ST6GALNAC5: variants seen among roughly 807,000 people sequenced by gnomAD.
The protein encoded by ST6GALNAC5 is alpha-N-acetylgalactosaminide alpha-2,6-sialyltransferase 5.
In ST6GALNAC5, 27 loss-of-function variants were observed where a neutral mutation model predicts 33.6. The ratio of observed to expected loss-of-function variants is 0.80; its 90% CI spans 0.59 to 1.11. The LOEUF (loss-of-function observed/expected upper bound fraction) is 1.11, where lower values mean the gene tolerates loss of function less well. Among genes scored for constraint, ST6GALNAC5 ranks in the 50% least tolerant of loss-of-function variants. The pLI, the probability that ST6GALNAC5 is intolerant of heterozygous loss-of-function variation, is 0.00. For missense variants in ST6GALNAC5, 428 were observed against 454.0 expected (o/e 0.94, Z 0.52); for synonymous variants, 194 against 171.2 (o/e 1.13, Z -1.04).
In ST6GALNAC5 at chr1:76,868,323, G is replaced by C. The variant is rs1351625422; in HGVS notation, c.16-174G>C. On this transcript the variant is annotated intron_variant, in intron 1 of 4. Coordinates refer to ENST00000477717, the MANE Select transcript of ST6GALNAC5 (RefSeq NM_030965.3). This position sits in a 1 kb window ranked among gnomAD's most constrained non-coding sequence, Gnocchi z 4.3. ...GCGACGCGCCCGGAGCATCCCTTGC[G>C]ATACGCTAGGGGACGGTGCTTTCTC... Among the ~76,000 whole-genome samples the C allele has an allele frequency of 6.6e-6, 1 of 152,024 alleles. No individual in the cohort carries two copies. The highest frequency in any genetic ancestry group is 2.0e-4 in the East Asian group (1 of 5,122).
intron 2 of ST6GALNAC5, among the ~76,000 whole-genome samples, chr1:76,897,511 G>A (rs1052606611): frequency 4.6e-5 from 7 of 152,128 alleles, no homozygotes; most frequent in African/African-American, 1.7e-4. Context: ...TGTGGGATGG[G>A]ATATTGGCAT....
chr1:76,867,987 G>C (rs1653383424), intron 1 of ST6GALNAC5, among the ~76,000 whole-genome samples: 1 of 152,160 alleles, frequency 6.6e-6, no homozygotes, highest in African/African-American at 2.4e-5. Context: ...GATTGCTCAA[G>C]GGATGGGGGT....
chr1:76,989,001 G>A (rs1220153041), intron 2 of ST6GALNAC5, among the ~76,000 whole-genome samples: 1 of 152,162 alleles, frequency 6.6e-6, no homozygotes, highest in African/African-American at 2.4e-5. Context: ...TCATGGGATT[G>A]TATCTGGTAT....
chr1:76,947,876 C>T (rs1284918509), intron 2 of ST6GALNAC5, among the ~76,000 whole-genome samples: 3 of 152,162 alleles, frequency 2.0e-5, no homozygotes, highest in South Asian at 2.1e-4. Flanking sequence ...GAAAGATAGC[C>T]GGAGAGGATT....
intron 2 of ST6GALNAC5, among the ~76,000 whole-genome samples, chr1:76,958,738 T>A (rs1371065415): frequency 6.6e-6 from 1 of 152,044 alleles, no homozygotes; most frequent in Non-Finnish European, 1.5e-5. Context: ...CAGGTAAGTA[T>A]GTCATATGGC....
chr1:77,005,395 T>C (rs890314320), intron 2 of ST6GALNAC5, among the ~76,000 whole-genome samples: 2 of 152,132 alleles, frequency 1.3e-5, no homozygotes, highest in Non-Finnish European at 2.9e-5. Context: ...TGTCTGGCAC[T>C]CCCTAGTGAG....
intron 2 of ST6GALNAC5, among the ~76,000 whole-genome samples, chr1:76,936,882 A>G (rs1489077505): frequency 6.6e-6 from 1 of 151,588 alleles, no homozygotes; most frequent in Non-Finnish European, 1.5e-5. Flanking sequence ...TTCACTTAAA[A>G]ATGAGGATAT....
At chr1:77,048,410 T>G (rs1570136588) in intron 3 of ST6GALNAC5, among the ~76,000 whole-genome samples, 1 of 152,202 alleles carries the variant, frequency 6.6e-6, no homozygotes, top group Non-Finnish European at 1.5e-5. Flanking sequence ...ACATGGCCAG[T>G]GCATTGTCGC....
At chr1:76,957,741 C>A (rs1487881787) in intron 2 of ST6GALNAC5, among the ~76,000 whole-genome samples, 1 of 152,038 alleles carries the variant, frequency 6.6e-6, no homozygotes, top group Admixed American at 6.6e-5. Flanking sequence ...AACCACAATA[C>A]TACTATTATC....
intron 2 of ST6GALNAC5, among the ~76,000 whole-genome samples, chr1:77,038,602 T>G (rs557457451): frequency 2.0e-5 from 3 of 152,344 alleles, no homozygotes; most frequent in Admixed American, 1.3e-4. Flanking sequence ...TACAAGGACA[T>G]CGCTGAGTGT....
chr1:76,972,752 C>T (rs1196880593), intron 2 of ST6GALNAC5, among the ~76,000 whole-genome samples: 1 of 152,126 alleles, frequency 6.6e-6, no homozygotes, highest in Non-Finnish European at 1.5e-5. Context: ...GTCACTTGCC[C>T]TCCATATGGG....
intron 2 of ST6GALNAC5, among the ~76,000 whole-genome samples, chr1:76,870,603 A>G (rs1468530971): frequency 6.6e-6 from 1 of 152,206 alleles, no homozygotes; most frequent in East Asian, 1.9e-4. Context: ...GCTTTATTTT[A>G]TTGAAACAAA....
chr1:76,909,883 T>C (rs1391458129), intron 2 of ST6GALNAC5, among the ~76,000 whole-genome samples: 1 of 151,930 alleles, frequency 6.6e-6, no homozygotes, highest in Non-Finnish European at 1.5e-5. Context: ...CTCCATAGAG[T>C]TGTCTATAGT....
intron 2 of ST6GALNAC5, among the ~76,000 whole-genome samples, chr1:76,943,262 G>A (rs148282437): frequency 1.3e-5 from 2 of 152,220 alleles, no homozygotes; most frequent in African/African-American, 4.8e-5. Context: ...AGGACATTAT[G>A]TATGAGTTGG....
intron 2 of ST6GALNAC5, among the ~76,000 whole-genome samples, chr1:76,887,765 T>C (rs1177514142): frequency 6.6e-6 from 1 of 152,268 alleles, no homozygotes; most frequent in African/African-American, 2.4e-5. Flanking sequence ...AAATTTTTTA[T>C]GATGAATGCT....
chr1:76,873,454 C>T (rs1653555808), intron 2 of ST6GALNAC5, among the ~76,000 whole-genome samples: 1 of 152,164 alleles, frequency 6.6e-6, no homozygotes, highest in Non-Finnish European at 1.5e-5. Flanking sequence ...ACCCCAGGAC[C>T]TACAACAATA....
At chr1:76,881,790 C>A (rs1418405304) in intron 2 of ST6GALNAC5, among the ~76,000 whole-genome samples, 1 of 152,204 alleles carries the variant, frequency 6.6e-6, no homozygotes, top group Non-Finnish European at 1.5e-5. Context: ...ATTTGTAGGC[C>A]TGTAACTAAT....
At chr1:76,909,554 G>A (rs1646892676) in intron 2 of ST6GALNAC5, among the ~76,000 whole-genome samples, 1 of 151,976 alleles carries the variant, frequency 6.6e-6, no homozygotes, top group Non-Finnish European at 1.5e-5. Flanking sequence ...ACTGTCACAG[G>A]CTGGCAAGAC....
chr1:76,871,481 T>A (rs1653501499), intron 2 of ST6GALNAC5: 1 of 152,234 alleles, frequency 6.6e-6, no homozygotes, highest in African/African-American at 2.4e-5. Context: ...AGTTACATGA[T>A]GTTGTTAACA....
Sources: allele counts gnomAD v4.1 joint callset (sites outside exome capture counted in the v4.1 genomes callset), GRCh38; gene constraint gnomAD v4.1.1; non-coding constraint Gnocchi (gnomAD v3.1); transcripts MANE v1.5; gene names NCBI Gene and HGNC (gene_info 2026-07-23, HGNC 2026-07-21).